CRHR1: variants seen among roughly 807,000 people sequenced by gnomAD.
The protein encoded by CRHR1 is corticotropin releasing hormone receptor 1.
CRHR1 carries 28 observed loss-of-function variants against 56.0 expected under a neutral mutation model. The ratio of observed to expected loss-of-function variants is 0.50; its 90% CI spans 0.37 to 0.69. CRHR1 has a LOEUF of 0.69. Among genes scored for constraint, CRHR1 ranks in the 30% least tolerant of loss-of-function variants. The pLI, the probability that CRHR1 is intolerant of heterozygous loss-of-function variation, is 0.00. For missense variants in CRHR1, 376 were observed against 548.0 expected (o/e 0.69, Z 3.13); for synonymous variants, 195 against 216.5 (o/e 0.90, Z 0.87).
rs1598453743 is a variant in CRHR1 at position 45,833,593 on chromosome 17, G to A, written c.929+56G>A. 5 of 1,595,270 alleles carry A rather than the reference G, an allele frequency of 3.1e-6. No homozygotes were observed. The East Asian group carries it at 8.9e-5, about 28-fold the overall frequency. On this transcript the variant is annotated intron_variant, in intron 10 of 12. Transcript: ENST00000314537. The stretch of plus-strand genomic sequence containing the variant: ...CCCTGATGAAACCCCTGCTCCCCAT[G>A]CCTCTCACGTGCCAGAGACCTGCCA...
At chr17:45,789,286 T>C (rs1004618345) in intron 1 of CRHR1, among the ~76,000 whole-genome samples, 1 of 152,204 alleles carries the variant, frequency 6.6e-6, no homozygotes, top group African/African-American at 2.4e-5. Context: ...GCTGCAGTTT[T>C]AATAGTCAAA....
intron 7 of CRHR1, 46 bp downstream of exon 7, chr17:45,830,616 G>A (rs540215107): frequency 1.7e-5 from 26 of 1,563,158 alleles, no homozygotes; most frequent in South Asian, 3.6e-5. Context: ...GGCGGCCGCC[G>A]GGCTGCCCTC....
chr17:45,814,067 G>A (rs937936609), intron 2 of CRHR1, among the ~76,000 whole-genome samples: 1 of 152,222 alleles, frequency 6.6e-6, no homozygotes. Context: ...CGTGCCTTGC[G>A]AAAGCAAGGC....
chr17:45,786,141 C>G (rs1251857239), intron 1 of CRHR1, among the ~76,000 whole-genome samples: 1 of 75,552 alleles, frequency 1.3e-5, no homozygotes, highest in Non-Finnish European at 3.0e-5. Flanking sequence ...TTTTTTTTTT[C>G]AGGTTTACGC....
chr17:45,784,660 TGGGGGC>T lies in CRHR1; in HGVS notation c.33+91_33+96del. 1 of 1,387,878 alleles carries T rather than the reference TGGGGGC, an allele frequency of 7.2e-7. No individual in the cohort carries two copies. Among genetic ancestry groups the T allele is most frequent in the Non-Finnish European group, 9.6e-7 (1 of 1,043,788 alleles). 86.0% of individuals were successfully genotyped at this position (1,387,878 alleles called of 1,614,324 possible). A position where few individuals can be genotyped will look rare whatever the true frequency, so the allele number is the denominator to read the frequency against. On this transcript the variant is annotated intron_variant, in intron 1 of 12. Coordinates refer to ENST00000314537, the MANE Select transcript of CRHR1 (RefSeq NM_004382.5). The surrounding 1 kb of genome is among the most constrained non-coding windows in gnomAD (Gnocchi z 4.2). ...GGACGGGGCTGGGCTGTGGGTGTGATGGGGGCGGGGGCGCTGGGAGAGCCGTGCTTA... is the reference window on the plus strand; with the variant it reads ...GGACGGGGCTGGGCTGTGGGTGTGATGGGGGCGCTGGGAGAGCCGTGCTTA...
intron 12 of CRHR1, among the ~76,000 whole-genome samples, 157 bp from the exon 13 acceptor site, chr17:45,834,467 C>T (rs563071312): frequency 1.2e-4 from 19 of 152,308 alleles, no homozygotes; most frequent in Non-Finnish European, 2.4e-4. Context: ...GCAAAGCAGT[C>T]GTGTTAAGGC....
chr17:45,821,402 G>A lies in CRHR1; in HGVS notation c.289G>A (p.Val97Met), dbSNP rs375123636. Reference protein sequence around the residue: ...CLANGSWAARVNYSECQEILN... With the variant: ...CLANGSWAARMNYSECQEILN... Reference sequence around the variant, plus strand: ...GGCCAATGGCAGCTGGGCCGCCCGCGTGAATTACTCCGAGTGCCAGGAGAT... The same window carrying A: ...GGCCAATGGCAGCTGGGCCGCCCGCATGAATTACTCCGAGTGCCAGGAGAT... The change falls in exon 4 of 13, where the codon GTG (valine) becomes ATG (methionine). Residue 97 changes from valine to methionine, a missense_variant. Around this residue, in one of 2 missense-constraint regions of CRHR1, gnomAD observed 369 missense variants for 519.5 expected, o/e 0.71. Transcript: ENST00000314537. 3.1e-6 allele frequency: 5 copies of A among 1,613,216 alleles called. No individual in the cohort carries two copies. The highest frequency in any genetic ancestry group is 1.3e-5 in the African/African-American group (1 of 74,954).
intron 1 of CRHR1, among the ~76,000 whole-genome samples, chr17:45,793,326 G>C (rs1334430313): frequency 6.6e-6 from 1 of 152,218 alleles, no homozygotes; most frequent in African/African-American, 2.4e-5. Flanking sequence ...TGTTGCTAGA[G>C]GGAATTGTGG....
In CRHR1 at chr17:45,784,361, A is replaced by AGCCGG. The variant is rs538064862; in HGVS notation, c.-164_-160dup. 334 of 345,858 alleles carry AGCCGG rather than the reference A, an allele frequency of 9.7e-4. No individual in the cohort carries two copies. Among genetic ancestry groups the AGCCGG allele is most frequent in the African/African-American group, 6.3e-3 (272 of 43,392 alleles). 21.4% of individuals were successfully genotyped at this position (345,858 alleles called of 1,614,324 possible). On this transcript the variant is annotated 5_prime_UTR_variant, in exon 1 of 13. Transcript: ENST00000314537. The surrounding 1 kb of genome is among the most constrained non-coding windows in gnomAD (Gnocchi z 4.2). Reference sequence around the variant, plus strand: ...ACTTCCCCGGGAAGGGGCGAGCGAGAGCCGGGCCGGGCCGGGCCGGGCCGC... The same window carrying AGCCGG: ...ACTTCCCCGGGAAGGGGCGAGCGAGAGCCGGGCCGGGCCGGGCCGGGCCGGGCCGC...
intron 2 of CRHR1, among the ~76,000 whole-genome samples, chr17:45,814,401 CTAGATT>C (rs1772763313): frequency 6.6e-6 from 1 of 152,186 alleles, no homozygotes; most frequent in African/African-American, 2.4e-5. Flanking sequence ...GGAAAGAGCA[CTAGATT>C]TAGAGTCCAA....
At chr17:45,807,361 T>G (rs2061739749) in intron 2 of CRHR1, among the ~76,000 whole-genome samples, 2 of 152,304 alleles carry the variant, frequency 1.3e-5, no homozygotes, top group African/African-American at 2.4e-5. Context: ...GCAAGGATTC[T>G]GAGTAGTTAT....
At chr17:45,829,542 T>G (rs1380849608) in intron 5 of CRHR1, 1 of 1,544,868 alleles carries the variant, frequency 6.5e-7, no homozygotes, top group South Asian at 1.2e-5. Flanking sequence ...AAAACTTGTC[T>G]TATGTCACCC....
At chr17:45,829,451 T>A in intron 5 of CRHR1, 130 bp downstream of exon 5, 1 of 1,336,508 alleles carries the variant, frequency 7.5e-7, no homozygotes, top group Non-Finnish European at 1.0e-6. Flanking sequence ...CTGGCTTATC[T>A]GAGAGTCTCA....
intron 12 of CRHR1, 23 bp from the exon 13 acceptor site, chr17:45,834,601 C>T (rs774098708): frequency 1.2e-5 from 19 of 1,594,892 alleles, no homozygotes; most frequent in East Asian, 9.0e-5. Flanking sequence ...GCTCAGATGT[C>T]GTGCTCCTCC....
At chr17:45,834,154 C>T (rs2062384454) in intron 12 of CRHR1, 106 bp downstream of exon 12, 1 of 1,413,658 alleles carries the variant, frequency 7.1e-7, no homozygotes, top group Non-Finnish European at 1.0e-6. Context: ...CTCTCTCCCT[C>T]CCTGCTCCTA....
intron 4 of CRHR1, among the ~76,000 whole-genome samples, chr17:45,825,138 C>A (rs2062130090): frequency 6.6e-6 from 1 of 152,198 alleles, no homozygotes; most frequent in African/African-American, 2.4e-5. Flanking sequence ...CTGGGCTAAG[C>A]CCTAATTAAG....
chr17:45,808,977 G>A (rs576249605), intron 2 of CRHR1, among the ~76,000 whole-genome samples: 1 of 152,312 alleles, frequency 6.6e-6, no homozygotes, highest in South Asian at 2.1e-4. Context: ...TGAAGGGAAG[G>A]TACTTGCCAG....
At chr17:45,801,768 G>C (rs1236370159) in intron 1 of CRHR1, among the ~76,000 whole-genome samples, 1 of 152,206 alleles carries the variant, frequency 6.6e-6, no homozygotes, top group Non-Finnish European at 1.5e-5. Context: ...GGAGGAGCAA[G>C]AGGCATCTGA....
At chr17:45,794,329 A>T (rs999172546) in intron 1 of CRHR1, among the ~76,000 whole-genome samples, 1 of 152,196 alleles carries the variant, frequency 6.6e-6, no homozygotes, top group African/African-American at 2.4e-5. Context: ...CCAGGAACCA[A>T]TTGTTGGTAG....
Sources: allele counts gnomAD v4.1 joint callset (sites outside exome capture counted in the v4.1 genomes callset), GRCh38; gene constraint gnomAD v4.1.1; regional missense constraint gnomAD v4.1.1; non-coding constraint Gnocchi (gnomAD v3.1); transcripts MANE v1.5; gene names NCBI Gene and HGNC (gene_info 2026-07-23, HGNC 2026-07-21).